The following B4GALNT2 variants were observed in gnomAD, a reference collection of about 807,000 sequenced individuals.
B4GALNT2 encodes the protein beta-1,4-N-acetyl-galactosaminyltransferase 2 (SID blood group), also known as N-acetylneuraminylgalactosylglucosyl-glucoside beta-1,4-N- acetylgalactosaminyltransferase 2.
A neutral mutation model predicts 51.1 loss-of-function variants in B4GALNT2; 42 were observed. That is an observed-to-expected ratio of 0.82 (90% CI 0.64 to 1.06). The LOEUF (loss-of-function observed/expected upper bound fraction) is 1.06. Ranked by LOEUF, B4GALNT2 falls within the 50% of genes least tolerant of loss-of-function variation. The pLI, the probability that B4GALNT2 is intolerant of heterozygous loss-of-function variation, is 0.00. For missense variants in B4GALNT2, 602 were observed against 633.6 expected, an observed-to-expected ratio of 0.95 and a Z score of 0.54; for synonymous variants, 253 against 251.7, an observed-to-expected ratio of 1.01 and a Z score of -0.05.
intron 1 of B4GALNT2, 89 bp downstream of exon 1, chr17:49,132,895 C>T: frequency 7.3e-7 from 1 of 1,376,984 alleles, no homozygotes; most frequent in Non-Finnish European, 9.4e-7. Context: ...GCAGAGCGGG[C>T]AGGTGCTGGG....
At chr17:49,124,064 T>C in the B4GALNT2 span, among the ~76,000 whole-genome samples, 7 of 152,348 alleles carry the variant, frequency 4.6e-5, no homozygotes, top group South Asian at 8.3e-4. Context: ...CTCCAAATTT[T>C]GTTCATGGGA....
At chr17:49,161,354 A>G (rs558335485) in intron 7 of B4GALNT2, among the ~76,000 whole-genome samples, 1 of 152,174 alleles carries the variant, frequency 6.6e-6, no homozygotes, top group Admixed American at 6.5e-5. Flanking sequence ...TTTTCAAAAA[A>G]TCACGTGAGA....
chr17:49,160,277 C>T (rs112935998), intron 6 of B4GALNT2, among the ~76,000 whole-genome samples: 1 of 152,094 alleles, frequency 6.6e-6, no homozygotes, highest in Non-Finnish European at 1.5e-5. Flanking sequence ...ATGGTAAAGT[C>T]AAACTTAGCC....
In B4GALNT2 at chr17:49,160,077, C is replaced by T. The variant is rs1049695587; in HGVS notation, c.680-478C>T. On this transcript the variant is annotated intron_variant, in intron 6 of 10. Coordinates refer to ENST00000393354, the MANE Select transcript of B4GALNT2 (RefSeq NM_001159387.2). ...CTCTTTTGACCGGATACACAGGATG[C>T]ATTCCCAGGACATCAACAGAAAAAA... Among the ~76,000 whole-genome samples the T allele has an allele frequency of 2.6e-5, 4 of 152,032 alleles. 1 individual carries two copies. The South Asian group carries it at 6.2e-4, about 24-fold the overall frequency.
chr17:49,176,258 G>GAC lies in B4GALNT2; in HGVS notation c.*6540_*6541dup, dbSNP rs779155621. On this transcript the variant is annotated 3_prime_UTR_variant, in exon 11 of 11. Coordinates refer to ENST00000393354, the MANE Select transcript of B4GALNT2 (RefSeq NM_001159387.2). ...ACCCAGCGGCGCTAGAGGAATTAAA[G>GAC]ACACACACACAGAAATATAGAGTGT... 6.6e-6 allele frequency: 1 copy of GAC among 152,184 alleles called. No individual in the cohort carries two copies. Among genetic ancestry groups the GAC allele is most frequent in the East Asian group, 1.9e-4 (1 of 5,200 alleles). The allele number at this position is 152,184 out of a possible 1,614,324, so 9.4% of individuals were successfully genotyped here. A position where few individuals can be genotyped will look rare whatever the true frequency, so the allele number is the denominator to read the frequency against.
upstream of B4GALNT2, among the ~76,000 whole-genome samples, chr17:49,130,014 AC>A (rs2144257869): frequency 6.6e-6 from 1 of 152,304 alleles, no homozygotes; most frequent in Admixed American, 6.5e-5. Context: ...ACAGTCAGGG[AC>A]CACAGCTAGC....
intron 1 of B4GALNT2, chr17:49,133,140 G>A (rs1450809170): frequency 2.0e-6 from 3 of 1,526,848 alleles, no homozygotes; most frequent in Non-Finnish European, 2.6e-6. Flanking sequence ...TGCGGGCTTC[G>A]GGGCTCTCTG....
chr17:49,147,374 C>CTTTTTTTTTTT (rs1475311406), intron 3 of B4GALNT2, among the ~76,000 whole-genome samples: 4 of 143,944 alleles, frequency 2.8e-5, no homozygotes, highest in African/African-American at 1.0e-4. Context: ...TCTTTTCTTT[C>CTTTTTTTTTTT]TTTCTTTTTT....
At chr17:49,163,732 G>A (rs550005767) in intron 7 of B4GALNT2, among the ~76,000 whole-genome samples, 1 of 142,924 alleles carries the variant, frequency 7.0e-6, no homozygotes, top group South Asian at 2.2e-4. Flanking sequence ...CTCCAGCCTG[G>A]GCAACAGAGG....
chr17:49,152,704 T>G lies in B4GALNT2; in HGVS notation c.354-96T>G, dbSNP rs577172826. ...CAACCCAATTTTGATTTCTCCATAT[T>G]GTCAGGGCAAGGCTCTGTGCACAGG... On this transcript the variant is annotated intron_variant, in intron 3 of 10. Coordinates refer to ENST00000393354, the MANE Select transcript of B4GALNT2 (RefSeq NM_001159387.2). 113 of 828,676 alleles carry G rather than the reference T, an allele frequency of 1.4e-4. No individual in the cohort carries two copies. The East Asian group carries it at 3.1e-3, about 23-fold the overall frequency. The allele number at this position is 828,676 out of a possible 1,614,324, so 51.3% of individuals were successfully genotyped here.
In B4GALNT2 at chr17:49,159,225, C is replaced by T; in HGVS notation, c.679+8C>T. The T allele has an allele frequency of 6.2e-7, 1 of 1,613,346 alleles. No homozygotes were observed. The highest frequency in any genetic ancestry group is 8.5e-7 in the Non-Finnish European group (1 of 1,179,608). ...ACCAGAAGGTAGACATAGGTGAGAGCCTGTCCTTGGAGTGCAAAATGCTTA... is the reference window on the plus strand; with the variant it reads ...ACCAGAAGGTAGACATAGGTGAGAGTCTGTCCTTGGAGTGCAAAATGCTTA... On this transcript the variant is annotated splice_region_variant and intron_variant, in intron 6 of 10. Transcript: ENST00000393354.
upstream of B4GALNT2, chr17:49,132,690 T>G (rs955449202): frequency 9.7e-6 from 13 of 1,335,552 alleles, no homozygotes; most frequent in Middle Eastern, 2.7e-4. Context: ...GCACCTGCCC[T>G]ACTCGCCGAG....
chr17:49,130,497 G>A (rs886591546), upstream of B4GALNT2, among the ~76,000 whole-genome samples: 6 of 152,162 alleles, frequency 3.9e-5, no homozygotes, highest in African/African-American at 1.4e-4. Flanking sequence ...AATTAGCCAG[G>A]TGTGGTGGTG....
chr17:49,139,929 T>C (rs1290507858), intron 1 of B4GALNT2, among the ~76,000 whole-genome samples: 2 of 151,702 alleles, frequency 1.3e-5, no homozygotes, highest in East Asian at 3.9e-4. Flanking sequence ...AGACAGAGTC[T>C]CAAATTACCA....
rs2042945379 is a variant in B4GALNT2 at position 49,169,756 on chromosome 17, G to A, written c.*28G>A. ...GTGTGAGGGCATAGGAGAAACACTA[G>A]GCTGGCTGGTTATGGTATCTATAGC... On this transcript the variant is annotated 3_prime_UTR_variant, in exon 11 of 11. Coordinates refer to ENST00000393354, the MANE Select transcript of B4GALNT2 (RefSeq NM_001159387.2). 2 of 1,520,558 alleles carry A rather than the reference G, an allele frequency of 1.3e-6. No individual in the cohort carries two copies. Among genetic ancestry groups the A allele is most frequent in the Non-Finnish European group, 1.8e-6 (2 of 1,130,206 alleles). 94.2% of individuals were successfully genotyped at this position (1,520,558 alleles called of 1,614,324 possible). A position where few individuals can be genotyped will look rare whatever the true frequency, so the allele number is the denominator to read the frequency against.
chr17:49,158,823 T>A lies in B4GALNT2; in HGVS notation c.499-214T>A, dbSNP rs567498806. On this transcript the variant is annotated intron_variant, in intron 5 of 10. Transcript: ENST00000393354. Reference sequence around the variant, plus strand: ...ATGTTTCCAGAAATGGGTCCTTTCATCCTTGGGGCCCTAGGACTTGGGGGA... The same window carrying A: ...ATGTTTCCAGAAATGGGTCCTTTCAACCTTGGGGCCCTAGGACTTGGGGGA... 1.9e-3 allele frequency among the ~76,000 whole-genome samples: 282 copies of A among 151,952 alleles called. 2 individuals carry two copies. Among genetic ancestry groups the A allele is most frequent in the Non-Finnish European group, 3.4e-3 (231 of 67,960 alleles).
Position 49,166,137 on chromosome 17 carries a change from G to A in B4GALNT2, c.978G>A (p.Leu326=). ...AGGGTTGGTTTGCTGGTAGGAACCT[G>A]GCCATATCTCAGGTCACCACCAAAT... ...FGKGWFAGRN[L]AISQVTTKYV... The change falls in exon 9 of 11, where the codon CTG becomes CTA. Residue 326 remains leucine (L), a synonymous_variant. Coordinates refer to ENST00000393354, the MANE Select transcript of B4GALNT2 (RefSeq NM_001159387.2). 6.2e-7 allele frequency: 1 copy of A among 1,613,992 alleles called. No homozygotes were observed. The highest frequency in any genetic ancestry group is 8.5e-7 in the Non-Finnish European group (1 of 1,179,938).
At chr17:49,128,536 G>A (rs1262992730), upstream of B4GALNT2, among the ~76,000 whole-genome samples, 1 of 152,160 alleles carries the variant, frequency 6.6e-6, no homozygotes, top group Non-Finnish European at 1.5e-5. Flanking sequence ...ATTTCATGAA[G>A]GGTGCAAGCT....
rs192381883 is a variant in B4GALNT2 at position 49,152,601 on chromosome 17, G to A, written c.354-199G>A. Among the ~76,000 whole-genome samples the A allele has an allele frequency of 4.6e-5, 7 of 152,316 alleles. No individual in the cohort carries two copies. In the East Asian group the frequency reaches 9.6e-4, roughly 21 times the overall value. ...TGAGGCAGGAGAATCGCTTGAGCCCGGGAGGCGGAGCTTGCAGTGAGCCGA... is the reference window on the plus strand; with the variant it reads ...TGAGGCAGGAGAATCGCTTGAGCCCAGGAGGCGGAGCTTGCAGTGAGCCGA... On this transcript the variant is annotated intron_variant, in intron 3 of 10. Transcript: ENST00000393354.
Sources: gnomAD v4.1 joint callset for allele counts (sites outside exome capture counted in the v4.1 genomes callset) on GRCh38, gnomAD v4.1.1 for gene constraint, MANE v1.5 for transcripts, NCBI Gene and HGNC (gene_info 2026-07-23, HGNC 2026-07-21) for gene names.